Variants in LY9 observed in about 807,000 individuals in gnomAD.
LY9 encodes T-lymphocyte surface antigen Ly-9.
LY9 carries 59 observed loss-of-function variants against 64.6 expected under a neutral mutation model. That is an observed-to-expected ratio of 0.91 (90% confidence interval 0.74 to 1.13). The LOEUF is 1.13. Among genes scored for constraint, LY9 ranks in the 50% most tolerant of loss-of-function variants. The probability of loss-of-function intolerance (pLI) is 0.00; values close to 1 mark genes in which losing one functional copy is unlikely to be tolerated. For missense variants in LY9, 789 were observed against 797.2 expected, an observed-to-expected ratio of 0.99 and a Z score of 0.12; for synonymous variants, 281 against 308.5, an observed-to-expected ratio of 0.91 and a Z score of 0.93.
chr1:160,824,509 C>T (rs2101838698), intron 9 of LY9: 2 of 985,076 alleles, frequency 2.0e-6, no homozygotes, highest in Non-Finnish European at 1.2e-6. Context: ...TGAATGACAG[C>T]TTATACACTC....
intron 7 of LY9, among the ~76,000 whole-genome samples, chr1:160,821,765 C>A (rs1047081169): frequency 2.0e-4 from 30 of 152,192 alleles, no homozygotes; most frequent in African/African-American, 6.7e-4. Context: ...CCTTACCTTC[C>A]AAAATGAAGG....
chr1:160,801,941 G>C, intron 2 of LY9: 1 of 1,611,248 alleles, frequency 6.2e-7, no homozygotes, highest in Non-Finnish European at 8.5e-7. Context: ...CCTGCCACTG[G>C]AGACCGCTCC....
At chr1:160,808,058 TG>T (rs1667150255) in intron 2 of LY9, among the ~76,000 whole-genome samples, 1 of 152,090 alleles carries the variant, frequency 6.6e-6, no homozygotes, top group African/African-American at 2.4e-5. Context: ...CAGCCTTGGA[TG>T]GCAGATGGGG....
intron 2 of LY9, chr1:160,810,796 T>C (rs140496722): frequency 1.1e-3 from 160 of 152,324 alleles, no homozygotes; most frequent in African/African-American, 3.8e-3. Context: ...AGACTTGAGA[T>C]ATGATTCACC....
chr1:160,817,134 C>CA (rs1288386544), intron 5 of LY9, among the ~76,000 whole-genome samples: 3 of 152,078 alleles, frequency 2.0e-5, no homozygotes, highest in African/African-American at 7.2e-5. Context: ...GTATTCAATA[C>CA]AAAAAAATTC....
chr1:160,802,452 C>T (rs1339655331), intron 2 of LY9: 3 of 986,172 alleles, frequency 3.0e-6, no homozygotes, highest in African/African-American at 3.5e-5. Context: ...GATGCAGGCC[C>T]ACAGTGCGGG....
chr1:160,801,850 AG>A, intron 2 of LY9: 1 of 1,614,202 alleles, frequency 6.2e-7, no homozygotes, highest in Non-Finnish European at 8.5e-7. Context: ...ACACTCCTGG[AG>A]GGCAGCGGCC....
chr1:160,812,710 G>A (rs900305195), intron 2 of LY9: 2 of 152,132 alleles, frequency 1.3e-5, no homozygotes, highest in African/African-American at 4.8e-5. Context: ...GAAATAAATG[G>A]CTGGAGGCTA....
At chr1:160,810,687 C>T (rs1354829210) in intron 2 of LY9, 1 of 152,182 alleles carries the variant, frequency 6.6e-6, no homozygotes, top group Non-Finnish European at 1.5e-5. Flanking sequence ...ATGCAAAATA[C>T]ATTCACCACA....
In LY9 at chr1:160,827,907, C is replaced by A; in HGVS notation, c.*91C>A. 1 of 991,478 alleles carries A rather than the reference C, an allele frequency of 1.0e-6. No homozygotes were observed. Among genetic ancestry groups the A allele is most frequent in the Non-Finnish European group, 1.5e-6 (1 of 658,860 alleles). 61.4% of individuals were successfully genotyped at this position (991,478 alleles called of 1,614,324 possible). A position where few individuals can be genotyped will look rare whatever the true frequency, so the allele number is the denominator to read the frequency against. ...GGCCTGGGGCTCACAGACAGAAGCA[C>A]CTCAGAATTTCCTTCAGTGCCTCAG... On this transcript the variant is annotated 3_prime_UTR_variant, in exon 10 of 10. Coordinates refer to ENST00000263285, the MANE Select transcript of LY9 (RefSeq NM_002348.4).
intron 2 of LY9, among the ~76,000 whole-genome samples, chr1:160,800,405 T>C (rs1196154903): frequency 6.6e-6 from 1 of 152,098 alleles, no homozygotes; most frequent in African/African-American, 2.4e-5. Flanking sequence ...CACTTCCACA[T>C]GATCAAAATT....
chr1:160,804,584 G>C (rs909593949), intron 2 of LY9, among the ~76,000 whole-genome samples: 4 of 152,076 alleles, frequency 2.6e-5, no homozygotes, highest in Admixed American at 2.0e-4. Context: ...TTTGGTATTA[G>C]CATAATGCTG....
At chr1:160,813,141 G>C (rs567282244) in intron 2 of LY9, 1 of 174,896 alleles carries the variant, frequency 5.7e-6, no homozygotes. Flanking sequence ...ATGGTGAGCA[G>C]TGGAGATGGA....
At chr1:160,799,651 A>G in intron 1 of LY9, 102 bp from the exon 2 acceptor site, 1 of 731,256 alleles carries the variant, frequency 1.4e-6, no homozygotes, top group Admixed American at 2.4e-5. Context: ...TTCATTTCTC[A>G]GCATCTGACA....
In LY9 at chr1:160,800,077, T is replaced by G; in HGVS notation, c.449T>G (p.Val150Gly). ...ACTGAGGAGGAATTCACCCTGTTCG[T>G]CTATGGTGAGTTCCAGAGAGCTTCT... ...VTTEEEFTLF[V>G]YEQLQEPQVT... The change falls in exon 2 of 10, where the codon GTC becomes GGC. Residue 150 changes from valine to glycine, a missense_variant. Val to Gly is a moderately radical substitution (Grantham distance 109, BLOSUM62 -3). Transcript: ENST00000263285. The G allele has an allele frequency of 6.2e-7, 1 of 1,610,342 alleles. No individual in the cohort carries two copies.
chr1:160,803,289 A>T (rs199658480), intron 2 of LY9, among the ~76,000 whole-genome samples: 3 of 151,160 alleles, frequency 2.0e-5, no homozygotes, highest in Non-Finnish European at 3.0e-5. Context: ...TCTAAAAAAA[A>T]ATTTTTTTTT....
Position 160,821,165 on chromosome 1 carries a change from A to AAAAAAAAC in LY9, c.1498+1795_1498+1796insAAACAAAA, listed in dbSNP as rs796579729. On this transcript the variant is annotated intron_variant, in intron 7 of 9. Transcript: ENST00000263285. The stretch of plus-strand genomic sequence containing the variant: ...TGAAACTTTGCTAAAAAAAAAAAAA[A>AAAAAAAAC]AAAACCATATATTCACATGGCATAC... Among the ~76,000 whole-genome samples the AAAAAAAAC allele has an allele frequency of 1.9e-4, 29 of 150,186 alleles. 1 individual carries two copies. The highest frequency in any genetic ancestry group is 7.0e-4 in the African/African-American group (28 of 40,112).
At chr1:160,802,186 G>T (rs978767051) in intron 2 of LY9, 1 of 1,225,976 alleles carries the variant, frequency 8.2e-7, no homozygotes, top group Non-Finnish European at 1.0e-6. Flanking sequence ...TGTGCCAGTG[G>T]GGTTTGTGCT....
chr1:160,803,440 C>A (rs1327040973), intron 2 of LY9, among the ~76,000 whole-genome samples: 1 of 152,024 alleles, frequency 6.6e-6, no homozygotes, highest in African/African-American at 2.4e-5. Context: ...GGATATTTCT[C>A]CATTTGTTTG....
Sources: gnomAD v4.1 joint callset for allele counts (sites outside exome capture counted in the v4.1 genomes callset) on GRCh38, gnomAD v4.1.1 for gene constraint, MANE v1.5 for transcripts, NCBI Gene and HGNC (gene_info 2026-07-23, HGNC 2026-07-21) for gene names.